The following GRIK4 variants were observed in gnomAD, a reference collection of about 807,000 sequenced individuals.
GRIK4 encodes glutamate receptor ionotropic, kainate 4.
Under a neutral mutation model 104.9 loss-of-function variants are expected in GRIK4, and 40 were observed. The ratio of observed to expected loss-of-function variants is 0.38; its 90% CI spans 0.30 to 0.50. The LOEUF (loss-of-function observed/expected upper bound fraction) is 0.50, where lower values mean the gene tolerates loss of function less well. Among genes scored for constraint, GRIK4 ranks in the 20% least tolerant of loss-of-function variants. The pLI, the probability that GRIK4 is intolerant of heterozygous loss-of-function variation, is 0.93. For missense variants in GRIK4, 1,047 were observed against 1,308.1 expected, an observed-to-expected ratio of 0.80 and a Z score of 3.08; for synonymous variants, 485 against 524.9, an observed-to-expected ratio of 0.92 and a Z score of 1.04.
intron 1 of GRIK4, among the ~76,000 whole-genome samples, chr11:120,588,736 C>T (rs543009570): frequency 2.6e-5 from 4 of 152,258 alleles, no homozygotes; most frequent in African/African-American, 7.2e-5. Context: ...GGGTGCTCTC[C>T]TGTGTACTCT....
At chr11:120,747,808 G>C (rs1049313491) in intron 3 of GRIK4, among the ~76,000 whole-genome samples, 1 of 152,182 alleles carries the variant, frequency 6.6e-6, no homozygotes, top group African/African-American at 2.4e-5. Flanking sequence ...TCAGCTTAGG[G>C]CCTGGCACAA....
At chr11:120,840,074 G>A (rs1591978662) in intron 8 of GRIK4, among the ~76,000 whole-genome samples, 4 of 152,306 alleles carry the variant, frequency 2.6e-5, no homozygotes, top group South Asian at 2.1e-4. Context: ...CATCACAGGC[G>A]GAGCTGGAAG....
At chr11:120,703,668 T>C (rs1475089070) in intron 3 of GRIK4, among the ~76,000 whole-genome samples, 4 of 152,128 alleles carry the variant, frequency 2.6e-5, no homozygotes, top group Non-Finnish European at 4.4e-5. Flanking sequence ...CACTCAGCCG[T>C]ATCTCCTGAG....
At chr11:120,887,649 C>T (rs763411975) in intron 11 of GRIK4, among the ~76,000 whole-genome samples, 5 of 152,182 alleles carry the variant, frequency 3.3e-5, no homozygotes, top group African/African-American at 7.2e-5. Flanking sequence ...AATTTATTCA[C>T]GCATCCAGCC....
intron 3 of GRIK4, among the ~76,000 whole-genome samples, chr11:120,780,893 C>T (rs1429502713): frequency 6.6e-6 from 1 of 152,092 alleles, no homozygotes; most frequent in African/African-American, 2.4e-5. Context: ...AGGCGCCTGC[C>T]ACCACGCCTG....
intron 16 of GRIK4, among the ~76,000 whole-genome samples, chr11:120,959,596 A>C (rs1350002050): frequency 2.0e-5 from 3 of 152,236 alleles, no homozygotes; most frequent in Admixed American, 2.0e-4. Context: ...ATGTAGATCC[A>C]TACTGTTGAC....
At chr11:120,657,458 T>A (rs1444534210) in intron 2 of GRIK4, among the ~76,000 whole-genome samples, 1 of 152,252 alleles carries the variant, frequency 6.6e-6, no homozygotes, top group Non-Finnish European at 1.5e-5. Context: ...TGTCTTCCTC[T>A]AGCAGGTGAT....
At chr11:120,554,535 C>T (rs1948169127) in intron 1 of GRIK4, among the ~76,000 whole-genome samples, 1 of 151,954 alleles carries the variant, frequency 6.6e-6, no homozygotes, top group Admixed American at 6.6e-5. Context: ...CAGTCTCTCT[C>T]TGTCGCTCTC....
chr11:120,668,765 G>A lies in GRIK4; in HGVS notation c.82+8365G>A, dbSNP rs548201183. On this transcript the variant is annotated intron_variant, in intron 3 of 20. Transcript: ENST00000527524. Reference sequence around the variant, plus strand: ...CGTGGGCTCTGGAACCAGACTGCTCGGATATGAATCTGAGCTCCACCCTTT... The same window carrying A: ...CGTGGGCTCTGGAACCAGACTGCTCAGATATGAATCTGAGCTCCACCCTTT... Among the ~76,000 whole-genome samples, 10 of 152,312 alleles carry A rather than the reference G, an allele frequency of 6.6e-5. No individual in the cohort carries two copies. The South Asian group carries it at 1.5e-3, about 22-fold the overall frequency.
chr11:120,763,266 G>A (rs772779800), intron 3 of GRIK4, among the ~76,000 whole-genome samples: 3 of 152,030 alleles, frequency 2.0e-5, no homozygotes, highest in South Asian at 2.1e-4. Flanking sequence ...ATGGTAGTTC[G>A]TATTCTTTGG....
At chr11:120,597,245 A>G (rs944126996) in intron 1 of GRIK4, among the ~76,000 whole-genome samples, 2 of 152,188 alleles carry the variant, frequency 1.3e-5, no homozygotes, top group East Asian at 1.9e-4. Context: ...CTGGGTTCCA[A>G]TCTGGTTCTG....
At chr11:120,638,365 G>A (rs1949425795) in intron 1 of GRIK4, among the ~76,000 whole-genome samples, 1 of 152,184 alleles carries the variant, frequency 6.6e-6, no homozygotes, top group East Asian at 1.9e-4. Context: ...GCACAGAGAG[G>A]TTAAGTAACC....
intron 1 of GRIK4, among the ~76,000 whole-genome samples, chr11:120,578,142 C>T (rs562872795): frequency 2.6e-5 from 4 of 152,292 alleles, no homozygotes; most frequent in East Asian, 3.9e-4. Flanking sequence ...GAGAGAAACA[C>T]GACCAGAGGG....
chr11:120,949,146 G>T (rs1943938397), intron 14 of GRIK4, among the ~76,000 whole-genome samples: 1 of 152,204 alleles, frequency 6.6e-6, no homozygotes, highest in Admixed American at 6.5e-5. Context: ...TGAGTCAACA[G>T]ATTGTTTTTA....
chr11:120,798,271 G>T (rs1167197830), intron 3 of GRIK4, among the ~76,000 whole-genome samples: 1 of 136,844 alleles, frequency 7.3e-6, no homozygotes, highest in East Asian at 2.3e-4. Context: ...TGGTTTTCCT[G>T]CCTTAGTCTC....
intron 3 of GRIK4, among the ~76,000 whole-genome samples, chr11:120,764,313 C>T (rs1951796228): frequency 6.6e-6 from 1 of 152,128 alleles, no homozygotes; most frequent in Admixed American, 6.5e-5. Context: ...TTCCTCCATC[C>T]CTTTATTTTG....
At position 120,821,089 on chromosome 11, in the gene GRIK4, A is replaced by G. The variant is rs559223436; in HGVS notation, c.511+1169A>G. ...CACACAACTTAAGCACCAGGGCCCA[A>G]ACTCAAATACAGGCCTCCTCACTTC... On this transcript the variant is annotated intron_variant, in intron 6 of 20. Coordinates refer to ENST00000527524, the MANE Select transcript of GRIK4 (RefSeq NM_014619.5). Among the ~76,000 whole-genome samples the G allele has an allele frequency of 3.3e-4, 50 of 152,318 alleles. No individual in the cohort carries two copies. In the South Asian group the frequency reaches 6.0e-3, roughly 18 times the overall value.
intron 13 of GRIK4, among the ~76,000 whole-genome samples, chr11:120,919,031 T>G (rs1943170864): frequency 6.6e-6 from 1 of 152,288 alleles, no homozygotes; most frequent in Admixed American, 6.5e-5. Flanking sequence ...AAGTGATTGA[T>G]CTGGAATTCA....
chr11:120,747,086 T>A (rs1419237652), intron 3 of GRIK4, among the ~76,000 whole-genome samples: 1 of 152,198 alleles, frequency 6.6e-6, no homozygotes, highest in African/African-American at 2.4e-5. Flanking sequence ...ATCCCTGAAA[T>A]AACAGGTGCG....
Sources: allele counts gnomAD v4.1 joint callset (sites outside exome capture counted in the v4.1 genomes callset), GRCh38; gene constraint gnomAD v4.1.1; transcripts MANE v1.5; gene names NCBI Gene and HGNC (gene_info 2026-07-23, HGNC 2026-07-21).